The following CNBD1 variants were observed in gnomAD, a reference collection of about 807,000 sequenced individuals.
The protein encoded by CNBD1 is cyclic nucleotide binding domain containing 1.
Under a neutral mutation model 54.4 loss-of-function variants are expected in CNBD1, and 71 were observed. The observed-to-expected ratio is 1.30, with a 90% CI of 1.08 to 1.59. The LOEUF (loss-of-function observed/expected upper bound fraction) is 1.59. CNBD1 is among the 40% of genes most tolerant of loss of function. The pLI, the probability that CNBD1 is intolerant of heterozygous loss-of-function variation, is 0.00. For missense variants in CNBD1, 659 were observed against 518.0 expected (o/e 1.27, Z -2.64); for synonymous variants, 182 against 170.7 (o/e 1.07, Z -0.51).
chr8:87,265,969 T>G (rs1229868651), intron 6 of CNBD1, among the ~76,000 whole-genome samples: 2 of 152,072 alleles, frequency 1.3e-5, no homozygotes, highest in Non-Finnish European at 2.9e-5. Context: ...TATCATTAAT[T>G]AAAAGATTCT....
intron 8 of CNBD1, among the ~76,000 whole-genome samples, chr8:87,325,894 A>G (rs1317619464): frequency 7.7e-6 from 1 of 129,582 alleles, no homozygotes; most frequent in Non-Finnish European, 1.7e-5. Context: ...GTTTCTTCCT[A>G]GTCTCGATGG....
At chr8:87,410,766 G>A (rs2130984547) in intron 2 of CNBD1, among the ~76,000 whole-genome samples, 1 of 152,174 alleles carries the variant, frequency 6.6e-6, no homozygotes, top group South Asian at 2.1e-4. Flanking sequence ...CAGCTGATGA[G>A]CAAATTTCAT....
intron 6 of CNBD1, 79 bp from the exon 7 acceptor site, chr8:87,284,599 C>A: frequency 8.0e-7 from 1 of 1,257,242 alleles, no homozygotes; most frequent in Non-Finnish European, 1.1e-6. Flanking sequence ...GAAAGCTTGA[C>A]CTACAATCCA....
At chr8:87,224,937 TCTC>T (rs1300359941) in intron 5 of CNBD1, among the ~76,000 whole-genome samples, 1 of 152,184 alleles carries the variant, frequency 6.6e-6, no homozygotes, top group Non-Finnish European at 1.5e-5. Flanking sequence ...GGTTTGTAAT[TCTC>T]CTTGAAGAGG....
chr8:87,421,637 G>C (rs933695746), intron 2 of CNBD1, among the ~76,000 whole-genome samples: 1 of 151,882 alleles, frequency 6.6e-6, no homozygotes, highest in Non-Finnish European at 1.5e-5. Context: ...GTATTCCACG[G>C]TGTATATGTG....
intron 4 of CNBD1, among the ~76,000 whole-genome samples, chr8:86,966,108 A>G (rs1240613877): frequency 6.6e-6 from 1 of 152,156 alleles, no homozygotes; most frequent in Non-Finnish European, 1.5e-5. Context: ...GGCCCAGAAG[A>G]GCCATAATGA....
At chr8:87,098,733 T>TA (rs112867940) in intron 4 of CNBD1, among the ~76,000 whole-genome samples, 2,778 of 139,334 alleles carry the variant, frequency 0.02, 72 homozygotes, top group African/African-American at 0.061. Context: ...AACATAGTAA[T>TA]AAAAAAAAAA....
Position 87,092,482 on chromosome 8 carries a change from CAT to C in CNBD1, c.432-113508_432-113507del, listed in dbSNP as rs560847751. 1.9e-3 allele frequency among the ~76,000 whole-genome samples: 213 copies of C among 112,204 alleles called. 6 individuals are homozygous for C. In the South Asian group the frequency reaches 0.019, roughly 10 times the overall value. 73.6% of individuals were successfully genotyped at this position (112,204 alleles called of 152,430 possible). On this transcript the variant is annotated intron_variant, in intron 4 of 10. Transcript: ENST00000518476. ...ATGTGTGTGTGTGTATATATATACA[CAT>C]ATGTGTGTGTGTATATATATGTGTG... is the stretch of plus-strand genomic sequence containing the variant.
At chr8:87,386,301 G>T (rs189670054), downstream of CNBD1, among the ~76,000 whole-genome samples, 3 of 152,120 alleles carry the variant, frequency 2.0e-5, no homozygotes, top group Non-Finnish European at 4.4e-5. Context: ...GTTTTCAGAC[G>T]ATCAAACTAC....
intron 2 of CNBD1, among the ~76,000 whole-genome samples, chr8:87,413,103 C>T (rs543073714): frequency 4.0e-5 from 6 of 151,882 alleles, no homozygotes; most frequent in East Asian, 3.9e-4. Flanking sequence ...ACCTAGTGAA[C>T]GATTTGTGAG....
At chr8:87,227,949 CTT>C (rs975303087) in intron 5 of CNBD1, among the ~76,000 whole-genome samples, 4 of 149,834 alleles carry the variant, frequency 2.7e-5, no homozygotes, top group Admixed American at 6.6e-5. Flanking sequence ...TCTTTTTATT[CTT>C]TTTTCTCTAA....
At chr8:86,882,983 A>G (rs35317474) in intron 1 of CNBD1, among the ~76,000 whole-genome samples, 17,003 of 152,094 alleles carry the variant, frequency 0.11, 1,196 homozygotes, top group African/African-American at 0.21. Flanking sequence ...GAACACATGG[A>G]CACATAGAGG....
At chr8:87,164,809 C>T (rs985750493) in intron 4 of CNBD1, among the ~76,000 whole-genome samples, 2 of 151,742 alleles carry the variant, frequency 1.3e-5, no homozygotes, top group African/African-American at 4.8e-5. Context: ...TTACTCTCTT[C>T]CTTCTGCTAA....
chr8:87,367,588 T>C (rs562402358), intron 10 of CNBD1, among the ~76,000 whole-genome samples: 1 of 152,272 alleles, frequency 6.6e-6, no homozygotes, highest in South Asian at 2.1e-4. Context: ...CTGAGCTGAT[T>C]CTCCCACTTT....
intron 2 of CNBD1, among the ~76,000 whole-genome samples, chr8:87,411,977 C>T (rs1238084613): frequency 6.6e-6 from 1 of 151,824 alleles, no homozygotes; most frequent in Non-Finnish European, 1.5e-5. Context: ...TTTCTTATTA[C>T]TACAACTGAA....
intron 4 of CNBD1, among the ~76,000 whole-genome samples, chr8:87,188,494 C>T (rs1813529098): frequency 6.6e-6 from 1 of 152,090 alleles, no homozygotes; most frequent in African/African-American, 2.4e-5. Context: ...CTTTCAGAGG[C>T]CAAGGTGTGT....
At chr8:86,951,979 A>C (rs1807637571) in intron 4 of CNBD1, among the ~76,000 whole-genome samples, 1 of 152,182 alleles carries the variant, frequency 6.6e-6, no homozygotes, top group South Asian at 2.1e-4. Flanking sequence ...GACAAAGGAC[A>C]AACAGAACTC....
Position 86,986,692 on chromosome 8 carries a change from T to C in CNBD1, c.431+46938T>C, listed in dbSNP as rs1003991877. ...TCCATCTTGAGTTTATTTTTGTATATGATGATTGGTAGGGGTCCAACTTTG... is the reference window on the plus strand; with the variant it reads ...TCCATCTTGAGTTTATTTTTGTATACGATGATTGGTAGGGGTCCAACTTTG... On this transcript the variant is annotated intron_variant, in intron 4 of 10. Transcript: ENST00000518476. Among the ~76,000 whole-genome samples the C allele has an allele frequency of 5.3e-5, 8 of 152,326 alleles. No homozygotes were observed. In the East Asian group the frequency reaches 1.5e-3, roughly 29 times the overall value.
At chr8:87,340,629 A>G (rs1424346535) in intron 8 of CNBD1, among the ~76,000 whole-genome samples, 1 of 150,898 alleles carries the variant, frequency 6.6e-6, no homozygotes, top group Non-Finnish European at 1.5e-5. Flanking sequence ...TTTGCTTGTT[A>G]TTAAGCTTTT....
Sources: allele counts gnomAD v4.1 joint callset (sites outside exome capture counted in the v4.1 genomes callset), GRCh38; gene constraint gnomAD v4.1.1; transcripts MANE v1.5; gene names NCBI Gene and HGNC (gene_info 2026-07-23, HGNC 2026-07-21).